The following CPED1 variants were observed in gnomAD, a reference collection of about 807,000 sequenced individuals.
The protein encoded by CPED1 is cadherin-like and PC-esterase domain-containing protein 1.
A neutral mutation model predicts 128.2 loss-of-function variants in CPED1; 114 were observed. The ratio of observed to expected loss-of-function variants is 0.89; its 90% CI spans 0.76 to 1.04. The LOEUF (loss-of-function observed/expected upper bound fraction) is 1.04, where lower values mean the gene tolerates loss of function less well. Ranked by LOEUF, CPED1 falls within the 50% of genes least tolerant of loss-of-function variation. CPED1 has a pLI of 0.00. For synonymous variants in CPED1, 462 were observed against 426.7 expected, an observed-to-expected ratio of 1.08 and a Z score of -1.02; for missense variants, 1,211 against 1,207.1, an observed-to-expected ratio of 1.00 and a Z score of -0.05.
At chr7:121,076,807 C>T (rs552073514) in intron 5 of CPED1, among the ~76,000 whole-genome samples, 2 of 152,030 alleles carry the variant, frequency 1.3e-5, no homozygotes, top group African/African-American at 2.4e-5. Flanking sequence ...TTCTTCTCCA[C>T]GGATCTTGTA....
intron 18 of CPED1, among the ~76,000 whole-genome samples, chr7:121,258,283 C>T (rs564143043): frequency 1.4e-4 from 22 of 152,090 alleles, no homozygotes; most frequent in African/African-American, 4.8e-4. Context: ...ATATCTGTTC[C>T]AGGAGCACAT....
chr7:121,169,904 A>G lies in CPED1; in HGVS notation c.2055+27763A>G, dbSNP rs147740553. On this transcript the variant is annotated intron_variant, in intron 16 of 22. Coordinates refer to ENST00000310396, the MANE Select transcript of CPED1 (RefSeq NM_024913.5). ...TTTTTTCTTTAGCATGGATGGCTCCAATAATGCAAATGGTTTAATCGATGT... is the reference window on the plus strand; with the variant it reads ...TTTTTTCTTTAGCATGGATGGCTCCGATAATGCAAATGGTTTAATCGATGT... Among the ~76,000 whole-genome samples the G allele has an allele frequency of 5.5e-3, 841 of 152,300 alleles. 7 individuals are homozygous for G. Among genetic ancestry groups the G allele is most frequent in the African/African-American group, 0.019 (776 of 41,558 alleles).
At chr7:121,288,565 A>G (rs964673218) in intron 22 of CPED1, among the ~76,000 whole-genome samples, 1 of 152,248 alleles carries the variant, frequency 6.6e-6, no homozygotes, top group Admixed American at 6.5e-5. Context: ...ACGCTTCAGC[A>G]GTTACACTGG....
At chr7:121,094,574 A>C (rs1405869742) in intron 5 of CPED1, among the ~76,000 whole-genome samples, 2 of 152,146 alleles carry the variant, frequency 1.3e-5, no homozygotes, top group Non-Finnish European at 2.9e-5. Context: ...CTGAGCACTT[A>C]TTTGAGTGCT....
chr7:120,990,837 C>T (rs1216013270), intron 2 of CPED1, among the ~76,000 whole-genome samples: 3 of 152,166 alleles, frequency 2.0e-5, no homozygotes, highest in East Asian at 3.9e-4. Context: ...CCGTTGCTAC[C>T]ATTATTACCA....
chr7:121,058,299 T>C (rs1793554943), intron 4 of CPED1, among the ~76,000 whole-genome samples: 1 of 152,136 alleles, frequency 6.6e-6, no homozygotes, highest in Non-Finnish European at 1.5e-5. Flanking sequence ...GATTGTTTTG[T>C]CGAAGTAAGC....
At chr7:121,126,499 C>G (rs1795507430) in intron 9 of CPED1, among the ~76,000 whole-genome samples, 1 of 151,748 alleles carries the variant, frequency 6.6e-6, no homozygotes, top group Admixed American at 6.6e-5. Flanking sequence ...TTAAATTAGT[C>G]TATAGAAAGT....
At chr7:121,062,725 C>T (rs931536980) in intron 4 of CPED1, 3 of 152,098 alleles carry the variant, frequency 2.0e-5, no homozygotes, top group African/African-American at 4.8e-5. Flanking sequence ...TTATAGCTCC[C>T]ATAATTCCCA....
intron 16 of CPED1, among the ~76,000 whole-genome samples, chr7:121,188,558 T>TGAC (rs1797056790): frequency 6.6e-6 from 1 of 152,148 alleles, no homozygotes. Flanking sequence ...TAGGAATGAA[T>TGAC]GACACATCCT....
At chr7:121,001,367 T>C (rs1014633085) in intron 2 of CPED1, among the ~76,000 whole-genome samples, 4 of 152,144 alleles carry the variant, frequency 2.6e-5, no homozygotes, top group African/African-American at 9.7e-5. Context: ...TCTTGTAACA[T>C]ACATCACAGC....
intron 16 of CPED1, among the ~76,000 whole-genome samples, chr7:121,194,048 A>ATTTTTTTTTT (rs68159246): frequency 4.2e-5 from 2 of 47,464 alleles, no homozygotes; most frequent in African/African-American, 1.6e-4. Context: ...ATATATATAT[A>ATTTTTTTTTT]TTTTTTTTTT....
intron 18 of CPED1, among the ~76,000 whole-genome samples, chr7:121,247,864 TAC>T (rs1798573694): frequency 2.0e-5 from 3 of 152,140 alleles, no homozygotes; most frequent in East Asian, 3.9e-4. Flanking sequence ...ATCCCCAGCC[TAC>T]TGCTTAGCCA....
At chr7:121,280,218 A>G (rs6947396) in intron 22 of CPED1, among the ~76,000 whole-genome samples, 1,921 of 152,322 alleles carry the variant, frequency 0.013, 55 homozygotes, top group African/African-American at 0.044. Context: ...AGACTAGTAC[A>G]GGTCATTCCA....
chr7:120,991,484 A>T (rs1796308409), intron 2 of CPED1, among the ~76,000 whole-genome samples: 1 of 152,234 alleles, frequency 6.6e-6, no homozygotes. Flanking sequence ...GCAATTTCTT[A>T]AAAAATAGTT....
chr7:121,244,419 C>T, intron 18 of CPED1, 81 bp downstream of exon 18: 1 of 1,435,116 alleles, frequency 7.0e-7, no homozygotes, highest in Non-Finnish European at 9.7e-7. Flanking sequence ...ATCTACTAGA[C>T]CAATTCCTGC....
intron 16 of CPED1, among the ~76,000 whole-genome samples, chr7:121,195,837 T>C (rs1797258950): frequency 6.6e-6 from 1 of 152,114 alleles, no homozygotes; most frequent in South Asian, 2.1e-4. Flanking sequence ...TTGGTTGGTG[T>C]TTGGTGTGAA....
intron 16 of CPED1, among the ~76,000 whole-genome samples, chr7:121,200,449 A>G (rs1797370776): frequency 6.6e-6 from 1 of 152,060 alleles, no homozygotes; most frequent in Non-Finnish European, 1.5e-5. Context: ...CAAGGAATAT[A>G]CTGTGGAAAA....
At chr7:121,253,477 A>G (rs1366210116) in intron 18 of CPED1, among the ~76,000 whole-genome samples, 1 of 151,254 alleles carries the variant, frequency 6.6e-6, no homozygotes, top group Non-Finnish European at 1.5e-5. Flanking sequence ...ATAAAATAAA[A>G]AAAAGGAACA....
chr7:121,189,771 T>TATATATAA lies in CPED1; in HGVS notation c.2056-46936_2056-46935insAATATATA, dbSNP rs1797090842. On this transcript the variant is annotated intron_variant, in intron 16 of 22. Transcript: ENST00000310396. ...TTTCTTATGAGGTTTTATATATATA[T>TATATATAA]ATATATATATATATATATATATATA... Among the ~76,000 whole-genome samples, 2 of 65,472 alleles carry TATATATAA rather than the reference T, an allele frequency of 3.1e-5. 1 individual carries two copies. Among genetic ancestry groups the TATATATAA allele is most frequent in the African/African-American group, 1.2e-4 (2 of 17,008 alleles). 43.0% of individuals were successfully genotyped at this position (65,472 alleles called of 152,430 possible).
Sources: allele counts gnomAD v4.1 joint callset (sites outside exome capture counted in the v4.1 genomes callset), GRCh38; gene constraint gnomAD v4.1.1; transcripts MANE v1.5; gene names NCBI Gene and HGNC (gene_info 2026-07-23, HGNC 2026-07-21).